The following ARHGAP8 variants were observed in gnomAD, a reference collection of about 807,000 sequenced individuals.
ARHGAP8 encodes the protein Rho GTPase activating protein 8, also known as rho GTPase-activating protein 8.
ARHGAP8 carries 62 observed loss-of-function variants against 46.1 expected under a neutral mutation model. The ratio of observed to expected loss-of-function variants is 1.34; its 90% CI spans 1.10 to 1.66. The LOEUF is 1.66. ARHGAP8 is among the 40% of genes most tolerant of loss of function. The pLI, the probability that ARHGAP8 is intolerant of heterozygous loss-of-function variation, is 0.00. For missense variants in ARHGAP8, 923 were observed against 568.4 expected (o/e 1.62, Z -6.34); for synonymous variants, 375 against 243.1 (o/e 1.54, Z -5.05).
intron 2 of ARHGAP8, among the ~76,000 whole-genome samples, chr22:44,792,832 T>G (rs1196844377): frequency 2.0e-5 from 3 of 149,254 alleles, no homozygotes; most frequent in Admixed American, 6.6e-5. Flanking sequence ...TTTTTTGGTT[T>G]TTTTTTTTTG....
chr22:44,859,763 CG>C lies in ARHGAP8; in HGVS notation c.911del (p.Arg304ProfsTer34). ...GAGCAGCCTGCGTGTCACTGGCTGC[CG>C]CCAGATCTTACGGAGCCTCCCAGAG... The part of the protein sequence containing the change: ...VESSLRVTGC[R>X]QILRSLPEHN... On this transcript the variant is annotated frameshift_variant, in exon 11 of 12. Coordinates refer to ENST00000356099, the MANE Select transcript of ARHGAP8 (RefSeq NM_181335.3). LOFTEE classifies it high-confidence loss of function. The C allele has an allele frequency of 6.2e-7, 1 of 1,614,016 alleles. No individual in the cohort carries two copies.
rs775812374 is a variant in ARHGAP8 at position 44,859,732 on chromosome 22, T to G, written c.879T>G (p.Cys293Trp). Residue 293 changes from cysteine (C) to tryptophan (W), a missense_variant and splice_region_variant, in exon 11 of 12, where the codon TGT becomes TGG. By Grantham distance (215) the Cys-to-Trp change is radical. Coordinates refer to ENST00000356099, the MANE Select transcript of ARHGAP8 (RefSeq NM_181335.3). Reference protein sequence around the residue: ...QAYEQILGITCVESSLRVTGC... With the variant: ...QAYEQILGITWVESSLRVTGC... ...GCAGGGAGCCCCATGCCCTTCCAGG[T>G]GTGGAGAGCAGCCTGCGTGTCACTG... 2.5e-6 allele frequency: 4 copies of G among 1,613,448 alleles called. No individual in the cohort carries two copies. Among genetic ancestry groups the G allele is most frequent in the South Asian group, 2.2e-5 (2 of 91,070 alleles).
rs1277720035 is a variant in ARHGAP8 at position 44,808,391 on chromosome 22, G to A, written c.252G>A (p.Lys84=). The A allele has an allele frequency of 6.2e-7, 1 of 1,614,242 alleles. No individual in the cohort carries two copies. Among genetic ancestry groups the A allele is most frequent in the African/African-American group, 1.3e-5 (1 of 75,062 alleles). The change falls in exon 4 of 12, where the codon AAG becomes AAA. Residue 84 remains lysine (K), a synonymous_variant. Transcript: ENST00000356099. ...YFHYGLNSRN[K]PSLGWLQSAY... is the part of the protein sequence containing the mutation. ...ACTACGGGCTGAACAGCCGGAACAA[G>A]CCTTCCCTGGGCTGGCTCCAGAGCG... is the stretch of plus-strand genomic sequence containing the variant.
intron 7 of ARHGAP8, among the ~76,000 whole-genome samples, chr22:44,827,822 C>A (rs1321768158): frequency 6.6e-6 from 1 of 152,010 alleles, no homozygotes; most frequent in Admixed American, 6.5e-5. Context: ...AGGGCCGGGC[C>A]TGGAGTGCAA....
chr22:44,834,233 T>G (rs1287170590), intron 7 of ARHGAP8, among the ~76,000 whole-genome samples: 1 of 152,160 alleles, frequency 6.6e-6, no homozygotes, highest in Non-Finnish European at 1.5e-5. Context: ...GGTGGAATGT[T>G]TATCATTTTA....
chr22:44,830,435 A>G (rs1930864314), intron 7 of ARHGAP8, among the ~76,000 whole-genome samples: 1 of 151,824 alleles, frequency 6.6e-6, no homozygotes, highest in Admixed American at 6.6e-5. Flanking sequence ...AGTTCGGATG[A>G]TTCTCCTGCC....
At position 44,862,468 on chromosome 22, in the gene ARHGAP8, T is replaced by C. The variant is rs1269088829; in HGVS notation, c.1175T>C (p.Leu392Pro). 8 of 1,613,870 alleles carry C rather than the reference T, an allele frequency of 5.0e-6. No individual in the cohort carries two copies. Among genetic ancestry groups the C allele is most frequent in the Non-Finnish European group, 6.8e-6 (8 of 1,179,936 alleles). ...CCGGAGGCACCTGGGGAGCACGGCC[T>C]GGCACCATGGGAACAGGGGAGCAGG... ...STPEAPGEHG[L>P]APWEQGSRAA... Residue 392 changes from leucine to proline, a missense_variant, in exon 12 of 12, where the codon CTG becomes CCG. By Grantham distance (98) the Leu-to-Pro change is moderately conservative (BLOSUM62 -3). Coordinates refer to ENST00000356099, the MANE Select transcript of ARHGAP8 (RefSeq NM_181335.3).
At chr22:44,764,384 G>A (rs990946224) in intron 1 of ARHGAP8, among the ~76,000 whole-genome samples, 1 of 152,228 alleles carries the variant, frequency 6.6e-6, no homozygotes, top group Non-Finnish European at 1.5e-5. Flanking sequence ...AGACAGGCCT[G>A]AGAGTGACAG....
At chr22:44,796,901 CA>C (rs755285484) in intron 2 of ARHGAP8, among the ~76,000 whole-genome samples, 5 of 152,200 alleles carry the variant, frequency 3.3e-5, no homozygotes, top group Non-Finnish European at 5.9e-5. Context: ...GTGGCCTTCT[CA>C]TGGGGGTGCC....
chr22:44,797,952 C>T (rs12168447), intron 2 of ARHGAP8, among the ~76,000 whole-genome samples: 5,251 of 149,338 alleles, frequency 0.035, 302 homozygotes, highest in African/African-American at 0.12. Context: ...GGATTACAGG[C>T]GTGAGCCACC....
At chr22:44,764,198 G>A (rs1358423540) in intron 1 of ARHGAP8, among the ~76,000 whole-genome samples, 3 of 152,164 alleles carry the variant, frequency 2.0e-5, no homozygotes, top group East Asian at 1.9e-4. Context: ...CTGGAGGAGC[G>A]TTCTCTGGTC....
chr22:44,807,958 A>C (rs538882639), intron 3 of ARHGAP8, among the ~76,000 whole-genome samples: 6 of 152,294 alleles, frequency 3.9e-5, no homozygotes, highest in South Asian at 2.1e-4. Flanking sequence ...GTCCAGGATG[A>C]GCCCCTCCTC....
At chr22:44,851,066 C>G (rs1013988503) in intron 10 of ARHGAP8, 1 of 151,970 alleles carries the variant, frequency 6.6e-6, no homozygotes, top group Non-Finnish European at 1.5e-5. Flanking sequence ...TGAGAGCCAT[C>G]TCTTTGAAAT....
At chr22:44,793,281 A>C (rs1241757556) in intron 2 of ARHGAP8, among the ~76,000 whole-genome samples, 1 of 152,068 alleles carries the variant, frequency 6.6e-6, no homozygotes, top group Non-Finnish European at 1.5e-5. Context: ...GGGGGATGGA[A>C]GGTTCCAGGT....
At chr22:44,779,151 G>A (rs1283094417) in intron 1 of ARHGAP8, among the ~76,000 whole-genome samples, 20 of 149,656 alleles carry the variant, frequency 1.3e-4, no homozygotes, top group Admixed American at 8.1e-4. Context: ...CCAGGCTGGA[G>A]TGCAGTGGCG....
At chr22:44,800,725 G>GCGCCCC (rs1366770453) in intron 2 of ARHGAP8, among the ~76,000 whole-genome samples, 5 of 20,700 alleles carry the variant, frequency 2.4e-4, no homozygotes, top group East Asian at 1.4e-3. Context: ...GTGTGAGGGG[G>GCGCCCC]TGCCTCTCCC....
intron 3 of ARHGAP8, 143 bp from the exon 4 acceptor site, chr22:44,808,164 C>T (rs891298381): frequency 2.2e-5 from 28 of 1,283,764 alleles, no homozygotes; most frequent in East Asian, 7.5e-5. Flanking sequence ...AAATGAGGAC[C>T]GGGGCCCACG....
At chr22:44,804,116 C>A (rs909104441) in intron 3 of ARHGAP8, among the ~76,000 whole-genome samples, 4 of 152,030 alleles carry the variant, frequency 2.6e-5, no homozygotes, top group African/African-American at 9.7e-5. Flanking sequence ...GCCACATGGG[C>A]CTCGCACCCT....
chr22:44,853,397 T>C (rs2070144232), intron 10 of ARHGAP8, among the ~76,000 whole-genome samples: 1 of 152,200 alleles, frequency 6.6e-6, no homozygotes, highest in East Asian at 1.9e-4. Flanking sequence ...TTTAGTTCTT[T>C]GTCATGCCAA....
Sources: allele counts gnomAD v4.1 joint callset (sites outside exome capture counted in the v4.1 genomes callset), GRCh38; gene constraint gnomAD v4.1.1; transcripts MANE v1.5; gene names NCBI Gene and HGNC (gene_info 2026-07-23, HGNC 2026-07-21).